The following SKOR2 variants were observed in gnomAD, a reference collection of about 807,000 sequenced individuals.
The protein encoded by SKOR2 is SKI family transcriptional corepressor 2, also known as LBX1 corepressor 1-like protein.
Under a neutral mutation model 69.1 loss-of-function variants are expected in SKOR2, and 47 were observed. The observed-to-expected ratio is 0.68, with a 90% CI of 0.54 to 0.87. The LOEUF (loss-of-function observed/expected upper bound fraction) is 0.87. SKOR2 is among the 40% of genes least tolerant of loss of function. SKOR2 has a pLI of 0.00. For synonymous variants in SKOR2, 717 were observed against 672.6 expected, an observed-to-expected ratio of 1.07 and a Z score of -1.02; for missense variants, 1,404 against 1,472.2, an observed-to-expected ratio of 0.95 and a Z score of 0.76.
chr18:47,209,058 C>A (rs780835626), intron 8 of SKOR2, among the ~76,000 whole-genome samples: 4 of 151,942 alleles, frequency 2.6e-5, no homozygotes, highest in African/African-American at 4.8e-5. Flanking sequence ...AGGTTGATAT[C>A]GTTAAGAACA....
chr18:47,207,269 T>C (rs1180329925), intron 8 of SKOR2, among the ~76,000 whole-genome samples: 1 of 152,184 alleles, frequency 6.6e-6, no homozygotes, highest in Admixed American at 6.6e-5. Context: ...CATAGAAGTA[T>C]GAGTGGAGGT....
intron 6 of SKOR2, among the ~76,000 whole-genome samples, chr18:47,228,234 G>A (rs2064185594): frequency 6.6e-6 from 1 of 152,106 alleles, no homozygotes; most frequent in Non-Finnish European, 1.5e-5. Flanking sequence ...ATTTAAACTT[G>A]GGCACACACA....
chr18:47,216,876 G>A (rs1258622395), intron 7 of SKOR2, among the ~76,000 whole-genome samples: 1 of 152,102 alleles, frequency 6.6e-6, no homozygotes, highest in Non-Finnish European at 1.5e-5. Context: ...GAACTGTTCT[G>A]TTTTCAGGAA....
At chr18:47,238,685 C>G (rs939631764) in intron 4 of SKOR2, among the ~76,000 whole-genome samples, 1 of 152,178 alleles carries the variant, frequency 6.6e-6, no homozygotes, top group Non-Finnish European at 1.5e-5. Flanking sequence ...CACATGCACT[C>G]TAACATCTGG....
At chr18:47,221,007 C>T (rs910524233) in intron 6 of SKOR2, among the ~76,000 whole-genome samples, 33 of 152,216 alleles carry the variant, frequency 2.2e-4, no homozygotes, top group African/African-American at 7.2e-4. Context: ...AATCATTTTC[C>T]GACTGACCAC....
At chr18:47,223,067 C>A (rs2064166903) in intron 6 of SKOR2, among the ~76,000 whole-genome samples, 1 of 152,046 alleles carries the variant, frequency 6.6e-6, no homozygotes, top group Non-Finnish European at 1.5e-5. Context: ...CAATAAATTA[C>A]AAACAGATTA....
chr18:47,221,140 T>A (rs1055739655), intron 6 of SKOR2, among the ~76,000 whole-genome samples: 1 of 152,238 alleles, frequency 6.6e-6, no homozygotes, highest in Non-Finnish European at 1.5e-5. Flanking sequence ...TACTTAGAGA[T>A]GAAAAGGCTT....
intron 6 of SKOR2, among the ~76,000 whole-genome samples, chr18:47,223,877 CA>C: frequency 6.7e-6 from 1 of 148,696 alleles, no homozygotes; most frequent in Admixed American, 6.8e-5. Flanking sequence ...GGCAAACATA[CA>C]AAAATCTAAA....
In SKOR2 at chr18:47,249,209, C is replaced by A; in HGVS notation, c.-26G>T. On this transcript the variant is annotated 5_prime_UTR_variant, in exon 2 of 9. Coordinates refer to ENST00000425639, the MANE Select transcript of SKOR2 (RefSeq NM_001278063.4). ...CTCCGCCGCAGAACCCCGGGCCGAG[C>A]CCTACAGGTCTGCCTTGGACACTGG... 6.5e-7 allele frequency: 1 copy of A among 1,527,000 alleles called. No homozygotes were observed. Among genetic ancestry groups the A allele is most frequent in the Non-Finnish European group, 8.8e-7 (1 of 1,142,300 alleles). The allele number at this position is 1,527,000 out of a possible 1,614,324, so 94.6% of individuals were successfully genotyped here.
chr18:47,220,413 C>T (rs994470540), intron 6 of SKOR2, among the ~76,000 whole-genome samples: 1 of 152,044 alleles, frequency 6.6e-6, no homozygotes, highest in Admixed American at 6.6e-5. Flanking sequence ...AAATGCTGCC[C>T]CTCCTGCACA....
chr18:47,231,232 A>AAAAGCAG, intron 4 of SKOR2: 2 of 1,466,712 alleles, frequency 1.4e-6, no homozygotes, highest in Non-Finnish European at 1.8e-6. Flanking sequence ...GCAGCTCCCG[A>AAAAGCAG]AAAGCAGATT....
intron 6 of SKOR2, among the ~76,000 whole-genome samples, chr18:47,228,077 G>T (rs2064184956): frequency 6.6e-6 from 1 of 152,172 alleles, no homozygotes; most frequent in South Asian, 2.1e-4. Flanking sequence ...GCAAATCTTG[G>T]TTTTCCCCTT....
chr18:47,220,033 A>T (rs1239133105), intron 6 of SKOR2, 23 bp from the exon 7 acceptor site: 1 of 1,522,814 alleles, frequency 6.6e-7, no homozygotes, highest in Non-Finnish European at 8.8e-7. Context: ...AGAGATAGAG[A>T]AAGATTAACT....
chr18:47,242,885 G>A (rs1311682758), intron 4 of SKOR2, among the ~76,000 whole-genome samples: 4 of 152,072 alleles, frequency 2.6e-5, no homozygotes, highest in South Asian at 2.1e-4. Context: ...CTTAATACTG[G>A]TGAATGGAAA....
intron 8 of SKOR2, among the ~76,000 whole-genome samples, chr18:47,209,137 G>A (rs2064120795): frequency 6.6e-6 from 1 of 151,350 alleles, no homozygotes; most frequent in Admixed American, 6.6e-5. Flanking sequence ...AATTTCTTAT[G>A]TTCTAATGTA....
chr18:47,238,080 C>T (rs1287967832), intron 4 of SKOR2, among the ~76,000 whole-genome samples: 1 of 152,054 alleles, frequency 6.6e-6, no homozygotes, highest in Non-Finnish European at 1.5e-5. Context: ...GAAGCATGGC[C>T]CCAGCCAGCA....
At chr18:47,215,240 A>C (rs2064140305) in intron 7 of SKOR2, among the ~76,000 whole-genome samples, 1 of 152,228 alleles carries the variant, frequency 6.6e-6, no homozygotes, top group Non-Finnish European at 1.5e-5. Flanking sequence ...GCTTGCATTA[A>C]GTCTTCTGAC....
intron 4 of SKOR2, among the ~76,000 whole-genome samples, chr18:47,242,280 CATGAA>C (rs2064252642): frequency 6.6e-6 from 1 of 151,974 alleles, no homozygotes. Context: ...TATTAATATA[CATGAA>C]ATGAAGAGAA....
chr18:47,215,949 A>C (rs1263123970), intron 7 of SKOR2, among the ~76,000 whole-genome samples: 1 of 152,182 alleles, frequency 6.6e-6, no homozygotes, highest in African/African-American at 2.4e-5. Context: ...CTTGCTTATA[A>C]AATTATTGCC....
Sources: gnomAD v4.1 joint callset for allele counts (sites outside exome capture counted in the v4.1 genomes callset) on GRCh38, gnomAD v4.1.1 for gene constraint, MANE v1.5 for transcripts, NCBI Gene and HGNC (gene_info 2026-07-23, HGNC 2026-07-21) for gene names.